Variants in DAP observed in about 807,000 individuals in gnomAD.
DAP encodes death associated protein.
DAP carries 8 observed loss-of-function variants against 13.8 expected under a neutral mutation model. That is an observed-to-expected ratio of 0.58 (90% confidence interval 0.34 to 1.05). DAP has a LOEUF of 1.05. DAP is among the 50% of genes least tolerant of loss of function. The pLI is 0.03. For missense variants in DAP, 106 were observed against 133.2 expected, an observed-to-expected ratio of 0.80 and a Z score of 1.01; for synonymous variants, 47 against 47.5, an observed-to-expected ratio of 0.99 and a Z score of 0.04.
In DAP at chr5:10,757,051, A is replaced by C. The variant is rs1416459912; in HGVS notation, c.55+3963T>G. 2.6e-5 allele frequency among the ~76,000 whole-genome samples: 4 copies of C among 152,250 alleles called. No individual in the cohort carries two copies. The South Asian group carries it at 8.3e-4, about 31-fold the overall frequency. ...AGGACATGATGCAGTGCCATCCATCACTTGTAAATAACAATACCTGTATTT... is the reference window on the plus strand; with the variant it reads ...AGGACATGATGCAGTGCCATCCATCCCTTGTAAATAACAATACCTGTATTT... On this transcript the variant is annotated intron_variant, in intron 1 of 3. Coordinates refer to ENST00000230895, the MANE Select transcript of DAP (RefSeq NM_004394.3).
rs116347934 is a variant in DAP at position 10,739,575 on chromosome 5, C to T, written c.152+8600G>A. On this transcript the variant is annotated intron_variant, in intron 2 of 3. Coordinates refer to ENST00000230895, the MANE Select transcript of DAP (RefSeq NM_004394.3). ...AGGGATGAGGGAACTGAAAGGCTCT[C>T]GCCCACAAGGCTCAGCACACACACA... 3.7e-3 allele frequency among the ~76,000 whole-genome samples: 569 copies of T among 152,164 alleles called. 1 individual carries two copies. Among genetic ancestry groups the T allele is most frequent in the African/African-American group, 0.013 (545 of 41,486 alleles).
intron 2 of DAP, among the ~76,000 whole-genome samples, chr5:10,737,947 T>A (rs1739656588): frequency 6.6e-6 from 1 of 152,172 alleles, no homozygotes; most frequent in Admixed American, 6.5e-5. Context: ...AGAGGAAAGA[T>A]GATGTAGAGA....
At chr5:10,704,944 G>T (rs2126647682) in intron 2 of DAP, among the ~76,000 whole-genome samples, 1 of 152,206 alleles carries the variant, frequency 6.6e-6, no homozygotes, top group South Asian at 2.1e-4. Context: ...GGCTAGCTCT[G>T]GTCTTCCTAC....
intron 1 of DAP, among the ~76,000 whole-genome samples, chr5:10,758,904 G>A (rs1434777844): frequency 6.6e-6 from 1 of 152,204 alleles, no homozygotes; most frequent in Non-Finnish European, 1.5e-5. Context: ...AGTATGTACA[G>A]TTTATACCTC....
At chr5:10,702,989 A>C (rs1376723171) in intron 2 of DAP, among the ~76,000 whole-genome samples, 3 of 152,224 alleles carry the variant, frequency 2.0e-5, no homozygotes, top group Non-Finnish European at 2.9e-5. Context: ...CAGAGTCTCA[A>C]ATGCCTGAAG....
chr5:10,698,035 T>C (rs972026484), intron 2 of DAP, among the ~76,000 whole-genome samples: 3 of 151,988 alleles, frequency 2.0e-5, no homozygotes, highest in Non-Finnish European at 4.4e-5. Context: ...GGACAAGGGC[T>C]TTCTGAATTC....
chr5:10,708,349 C>A (rs968320857), intron 2 of DAP, among the ~76,000 whole-genome samples: 1 of 150,972 alleles, frequency 6.6e-6, no homozygotes, highest in Non-Finnish European at 1.5e-5. Flanking sequence ...CACACAGATA[C>A]ACACAGACGC....
chr5:10,732,168 G>A (rs1023016662), intron 2 of DAP, among the ~76,000 whole-genome samples: 1 of 152,196 alleles, frequency 6.6e-6, no homozygotes, highest in African/African-American at 2.4e-5. Flanking sequence ...CATGCCTAAG[G>A]ACTTCCTTTT....
At chr5:10,709,580 G>A (rs1738789727) in intron 2 of DAP, among the ~76,000 whole-genome samples, 1 of 152,206 alleles carries the variant, frequency 6.6e-6, no homozygotes, top group Non-Finnish European at 1.5e-5. Flanking sequence ...GTTAAACAGG[G>A]CTGTGTGGCT....
chr5:10,733,924 G>A (rs990753785), intron 2 of DAP: 7 of 152,112 alleles, frequency 4.6e-5, no homozygotes, highest in Non-Finnish European at 8.8e-5. Context: ...AAAACTTCAG[G>A]CCTAGTCATT....
chr5:10,685,091 C>CGAAAGTTCACTGACTG (rs1208512413), intron 2 of DAP, among the ~76,000 whole-genome samples: 1 of 152,162 alleles, frequency 6.6e-6, no homozygotes, highest in East Asian at 1.9e-4. Context: ...CCCAGCATTC[C>CGAAAGTTCACTGACTG]GAAAGTTCAC....
intron 2 of DAP, among the ~76,000 whole-genome samples, chr5:10,724,300 G>T (rs886805331): frequency 6.6e-6 from 1 of 152,184 alleles, no homozygotes; most frequent in Non-Finnish European, 1.5e-5. Flanking sequence ...GTCTAGCAAG[G>T]TTCCACCTCT....
At chr5:10,708,255 C>T (rs1299515213) in intron 2 of DAP, among the ~76,000 whole-genome samples, 8 of 152,076 alleles carry the variant, frequency 5.3e-5, no homozygotes, top group Non-Finnish European at 2.9e-5. Context: ...CAATAAAAAC[C>T]TGGATCATTT....
Position 10,713,063 on chromosome 5 carries a change from A to G in DAP, c.153-29492T>C, listed in dbSNP as rs527795621. On this transcript the variant is annotated intron_variant, in intron 2 of 3. Coordinates refer to ENST00000230895, the MANE Select transcript of DAP (RefSeq NM_004394.3). Reference sequence around the variant, plus strand: ...CGACCAACCAGCCAACCAACCAGCCAACCAATCTGCCTTACATCTTTATCT... The same window carrying G: ...CGACCAACCAGCCAACCAACCAGCCGACCAATCTGCCTTACATCTTTATCT... Among the ~76,000 whole-genome samples the G allele has an allele frequency of 2.0e-5, 3 of 149,184 alleles. No homozygotes were observed. In the East Asian group the frequency reaches 5.8e-4, roughly 29 times the overall value.
intron 1 of DAP, among the ~76,000 whole-genome samples, chr5:10,749,996 T>A (rs149864567): frequency 6.6e-5 from 10 of 152,206 alleles, no homozygotes; most frequent in African/African-American, 1.9e-4. Context: ...CTCAGACTAT[T>A]AAGAAGAGAG....
intron 2 of DAP, among the ~76,000 whole-genome samples, chr5:10,723,711 C>A (rs1263989991): frequency 1.3e-5 from 2 of 152,232 alleles, no homozygotes; most frequent in Non-Finnish European, 2.9e-5. Context: ...AGGCCAGATA[C>A]TAAAGCAAAA....
chr5:10,711,979 C>G (rs1399243041), intron 2 of DAP, among the ~76,000 whole-genome samples: 4 of 152,158 alleles, frequency 2.6e-5, no homozygotes, highest in African/African-American at 9.7e-5. Context: ...CCGTCCTTCC[C>G]AGCAACACAT....
At chr5:10,731,474 A>G (rs370314768) in intron 2 of DAP, among the ~76,000 whole-genome samples, 2 of 152,156 alleles carry the variant, frequency 1.3e-5, no homozygotes, top group South Asian at 2.1e-4. Flanking sequence ...CTCACTGCCC[A>G]GGCTCCAGGT....
intron 2 of DAP, among the ~76,000 whole-genome samples, chr5:10,701,557 T>C (rs1035408156): frequency 7.4e-6 from 1 of 135,308 alleles, no homozygotes; most frequent in Non-Finnish European, 1.5e-5. Context: ...TTGTCTTCTA[T>C]CAGTTTCTTA....
Sources: gnomAD v4.1 joint callset for allele counts (sites outside exome capture counted in the v4.1 genomes callset) on GRCh38, gnomAD v4.1.1 for gene constraint, MANE v1.5 for transcripts, NCBI Gene and HGNC (gene_info 2026-07-23, HGNC 2026-07-21) for gene names.